Variants in HHAT observed in about 807,000 individuals in gnomAD.
The protein encoded by HHAT is hedgehog acyltransferase, also known as protein-cysteine N-palmitoyltransferase HHAT.
Under a neutral mutation model 70.8 loss-of-function variants are expected in HHAT, and 47 were observed. That is an observed-to-expected ratio of 0.66 (90% CI 0.53 to 0.85). HHAT has a LOEUF of 0.85. Among genes scored for constraint, HHAT ranks in the 40% least tolerant of loss-of-function variants. HHAT has a pLI of 0.00. For missense variants in HHAT, 609 were observed against 604.8 expected, an observed-to-expected ratio of 1.01 and a Z score of -0.07; for synonymous variants, 228 against 247.6, an observed-to-expected ratio of 0.92 and a Z score of 0.74.
chr1:210,418,433 A>G (rs2092791738), intron 7 of HHAT, 108 bp downstream of exon 7: 1 of 948,754 alleles, frequency 1.1e-6, no homozygotes, highest in Non-Finnish European at 1.5e-6. Flanking sequence ...CCTATAGCAA[A>G]CCCTCTTTAT....
chr1:210,400,697 G>A (rs1364036781), intron 5 of HHAT, 35 bp downstream of exon 5: 34 of 1,585,920 alleles, frequency 2.1e-5, no homozygotes, highest in Non-Finnish European at 2.9e-5. Context: ...GGAATCCAGA[G>A]AAGGCCCCTT....
At chr1:210,531,434 A>G (rs1372150863) in intron 9 of HHAT, among the ~76,000 whole-genome samples, 3 of 152,182 alleles carry the variant, frequency 2.0e-5, no homozygotes, top group Non-Finnish European at 4.4e-5. Context: ...AGGACGAGGA[A>G]GAAGAGGAAC....
intron 1 of HHAT, among the ~76,000 whole-genome samples, chr1:210,332,430 A>G (rs12144593): frequency 0.59 from 90,300 of 152,158 alleles, 28,130 homozygotes; most frequent in African/African-American, 0.78. Flanking sequence ...TAGTCAACCC[A>G]GATTGCGTAC....
At chr1:210,517,561 C>T (rs1270474224) in intron 9 of HHAT, among the ~76,000 whole-genome samples, 4 of 152,076 alleles carry the variant, frequency 2.6e-5, no homozygotes, top group Non-Finnish European at 5.9e-5. Flanking sequence ...GGAGTAGGGA[C>T]TGAAGAAATG....
At chr1:210,622,858 A>G (rs139502527) in intron 10 of HHAT, among the ~76,000 whole-genome samples, 1 of 152,306 alleles carries the variant, frequency 6.6e-6, no homozygotes, top group African/African-American at 2.4e-5. Flanking sequence ...AGCTATATAT[A>G]CTAGTTATCA....
intron 2 of HHAT, among the ~76,000 whole-genome samples, chr1:210,351,724 A>G (rs887964910): frequency 6.6e-6 from 1 of 152,212 alleles, no homozygotes; most frequent in African/African-American, 2.4e-5. Context: ...GGGACTGTCA[A>G]GTGGAGTACT....
At chr1:210,674,202 T>C in intron 11 of HHAT, 86 bp from the exon 12 acceptor site, 1 of 1,133,018 alleles carries the variant, frequency 8.8e-7, no homozygotes, top group Non-Finnish European at 1.3e-6. Flanking sequence ...CAGGTTGCCT[T>C]CTCCAAAAGG....
chr1:210,435,225 G>A (rs1279745869), intron 7 of HHAT, among the ~76,000 whole-genome samples: 1 of 151,790 alleles, frequency 6.6e-6, no homozygotes, highest in East Asian at 1.9e-4. Context: ...AACATGCAAT[G>A]TTTATCTTTT....
rs71773459 is a variant in HHAT at position 210,540,577 on chromosome 1, A to AATAT, written c.1043+27399_1043+27402dup. Among the ~76,000 whole-genome samples the AATAT allele has an allele frequency of 9.3e-5, 14 of 151,238 alleles. No homozygotes were observed. The South Asian group carries it at 1.3e-3, about 14-fold the overall frequency. The stretch of plus-strand genomic sequence containing the variant: ...TAGACATACACATAGTGTGTATAAA[A>AATAT]ATATATATATATAGAAAACACACAC... On this transcript the variant is annotated intron_variant, in intron 9 of 11. Coordinates refer to ENST00000261458, the MANE Select transcript of HHAT (RefSeq NM_018194.6).
chr1:210,362,224 G>A (rs1475729816), intron 2 of HHAT, among the ~76,000 whole-genome samples: 2 of 147,118 alleles, frequency 1.4e-5, no homozygotes, highest in African/African-American at 5.1e-5. Context: ...GGCATAGTCT[G>A]TGTCAAAATT....
At chr1:210,655,861 T>C (rs1676286081) in intron 11 of HHAT, among the ~76,000 whole-genome samples, 1 of 152,166 alleles carries the variant, frequency 6.6e-6, no homozygotes, top group Non-Finnish European at 1.5e-5. Flanking sequence ...TGGACTGACT[T>C]TCTGGGGGGA....
chr1:210,497,790 G>GTTTTTTT (rs2094678322), intron 8 of HHAT, among the ~76,000 whole-genome samples: 1 of 147,838 alleles, frequency 6.8e-6, no homozygotes, highest in African/African-American at 2.5e-5. Context: ...TTTTGAGACA[G>GTTTTTTT]AGTCTGGCTC....
At chr1:210,518,898 TAGAAAG>T (rs2095105640) in intron 9 of HHAT, among the ~76,000 whole-genome samples, 1 of 152,198 alleles carries the variant, frequency 6.6e-6, no homozygotes, top group Non-Finnish European at 1.5e-5. Flanking sequence ...GGAGTTTTAT[TAGAAAG>T]AGAAATGTTA....
intron 4 of HHAT, among the ~76,000 whole-genome samples, chr1:210,391,110 T>A (rs1330173354): frequency 6.6e-6 from 1 of 152,216 alleles, no homozygotes; most frequent in Non-Finnish European, 1.5e-5. Flanking sequence ...AATTTACACT[T>A]CTACCAGTAG....
At chr1:210,538,597 A>G (rs1436560093) in intron 9 of HHAT, among the ~76,000 whole-genome samples, 4 of 152,220 alleles carry the variant, frequency 2.6e-5, no homozygotes, top group African/African-American at 9.6e-5. Flanking sequence ...AAATACTCCT[A>G]TGAGGAAGAC....
chr1:210,527,248 G>A (rs955880981), intron 9 of HHAT, among the ~76,000 whole-genome samples: 11 of 151,986 alleles, frequency 7.2e-5, no homozygotes, highest in African/African-American at 1.7e-4. Flanking sequence ...CCCTGGAAGC[G>A]TCAGGTGCTC....
At chr1:210,370,610 A>ATTTTTTTTTT (rs10664778) in intron 3 of HHAT, among the ~76,000 whole-genome samples, 2 of 98,356 alleles carry the variant, frequency 2.0e-5, no homozygotes, top group Non-Finnish European at 3.8e-5. Context: ...TGCAGATGCT[A>ATTTTTTTTTT]TTTTTTTTTT....
intron 8 of HHAT, among the ~76,000 whole-genome samples, 155 bp from the exon 9 acceptor site, chr1:210,512,997 GA>G (rs1307709922): frequency 1.3e-5 from 2 of 152,188 alleles, no homozygotes; most frequent in African/African-American, 2.4e-5. Context: ...AAGTTCCCAG[GA>G]ATGCTGCTGC....
intron 10 of HHAT, among the ~76,000 whole-genome samples, chr1:210,607,191 CT>C (rs1421922524): frequency 2.0e-5 from 3 of 151,936 alleles, no homozygotes; most frequent in Non-Finnish European, 4.4e-5. Context: ...GTATAAATGG[CT>C]TTCATCTCTT....
Sources: allele counts gnomAD v4.1 joint callset (sites outside exome capture counted in the v4.1 genomes callset), GRCh38; gene constraint gnomAD v4.1.1; transcripts MANE v1.5; gene names NCBI Gene and HGNC (gene_info 2026-07-23, HGNC 2026-07-21).